The following CD300C variants were observed in gnomAD, a reference collection of about 807,000 sequenced individuals.
The protein encoded by CD300C is CD300c molecule.
CD300C carries 11 observed loss-of-function variants against 18.4 expected under a neutral mutation model. The observed-to-expected ratio is 0.60, with a 90% CI of 0.38 to 0.99. The LOEUF (loss-of-function observed/expected upper bound fraction) is 0.99. Ranked by LOEUF, CD300C falls within the 50% of genes least tolerant of loss-of-function variation. CD300C has a pLI of 0.01. For synonymous variants in CD300C, 116 were observed against 116.3 expected, an observed-to-expected ratio of 1.00 and a Z score of 0.02; for missense variants, 277 against 287.4, an observed-to-expected ratio of 0.96 and a Z score of 0.26.
chr17:74,545,606 C>T (rs989121244), intron 1 of CD300C, 116 bp downstream of exon 1: 1 of 828,378 alleles, frequency 1.2e-6, no homozygotes, highest in Non-Finnish European at 1.9e-6. Flanking sequence ...CTCCTTTGCC[C>T]TCCTCCCCTC....
downstream of CD300C, among the ~76,000 whole-genome samples, chr17:74,537,401 CA>C (rs1245071268): frequency 6.6e-6 from 1 of 152,076 alleles, no homozygotes; most frequent in Non-Finnish European, 1.5e-5. Context: ...CCTGTAATCC[CA>C]GCACTTTCGG....
downstream of CD300C, among the ~76,000 whole-genome samples, chr17:74,536,116 AT>A (rs35828520): frequency 4.6e-5 from 7 of 151,988 alleles, no homozygotes; most frequent in East Asian, 5.8e-4. Context: ...ATATAGGATA[AT>A]TTTTTTTTAA....
chr17:74,543,856 T>A (rs555087919), intron 2 of CD300C, among the ~76,000 whole-genome samples: 235 of 152,290 alleles, frequency 1.5e-3, no homozygotes, highest in African/African-American at 5.3e-3. Flanking sequence ...CAGTCTCAGC[T>A]CATTTCCATC....
rs1345225505 is a variant in CD300C at position 74,541,567 on chromosome 17, G to A, written c.*22C>T. ...CCCAGAGGGGCTCTGTTGCAGCACA[G>A]GGCCTTGATGGACAGCAGATGCTAC... On this transcript the variant is annotated 3_prime_UTR_variant, in exon 4 of 4. Transcript: ENST00000330793. 6.4e-7 allele frequency: 1 copy of A among 1,571,606 alleles called. No individual in the cohort carries two copies. Among genetic ancestry groups the A allele is most frequent in the African/African-American group, 1.4e-5 (1 of 74,064 alleles).
chr17:74,543,209 G>T (rs1908621529), intron 2 of CD300C, among the ~76,000 whole-genome samples: 1 of 152,232 alleles, frequency 6.6e-6, no homozygotes, highest in African/African-American at 2.4e-5. Flanking sequence ...TTTCAGATGT[G>T]AGAGCTGCCC....
At chr17:74,540,230 C>A (rs1025463509), downstream of CD300C, among the ~76,000 whole-genome samples, 1 of 152,170 alleles carries the variant, frequency 6.6e-6, no homozygotes, top group Non-Finnish European at 1.5e-5. Flanking sequence ...CGCTCACCCC[C>A]CTCCTTTCTC....
chr17:74,544,899 C>T lies in CD300C; in HGVS notation c.110G>A (p.Gly37Glu). 3 of 1,613,796 alleles carry T rather than the reference C, an allele frequency of 1.9e-6. No homozygotes were observed. The highest frequency in any genetic ancestry group is 2.5e-6 in the Non-Finnish European group (3 of 1,179,830). The change falls in exon 2 of 4, where the codon GGA (glycine) becomes GAA (glutamate). Residue 37 changes from glycine to glutamate, a missense_variant. By Grantham distance (98) the Gly-to-Glu change is moderately conservative (BLOSUM62 -2). Transcript: ENST00000330793. ...ATAGCGACACTGCACACTCAGGGAT[C>T]CCCCCACGGGGCCCGCCACGGTCAT... ...HPMTVAGPVG[G>E]SLSVQCRYEK...
downstream of CD300C, among the ~76,000 whole-genome samples, chr17:74,537,826 G>T (rs1370228243): frequency 3.3e-5 from 5 of 151,708 alleles, no homozygotes; most frequent in African/African-American, 1.2e-4. Flanking sequence ...GTGCTGTGGT[G>T]CATGCCTGTA....
At chr17:74,544,170 G>A (rs1050844229) in intron 2 of CD300C, among the ~76,000 whole-genome samples, 12 of 152,172 alleles carry the variant, frequency 7.9e-5, no homozygotes, top group African/African-American at 1.7e-4. Context: ...CCAATTCCCC[G>A]TGGGGAAGAG....
chr17:74,535,666 C>T, the CD300C span, among the ~76,000 whole-genome samples: 1 of 152,068 alleles, frequency 6.6e-6, no homozygotes, highest in Non-Finnish European at 1.5e-5. Context: ...AAATTTCATA[C>T]ATTTACATTT....
intron 2 of CD300C, among the ~76,000 whole-genome samples, chr17:74,543,764 T>C (rs1440224538): frequency 6.6e-6 from 1 of 152,066 alleles, no homozygotes; most frequent in African/African-American, 2.4e-5. Context: ...CTGAGGCCAC[T>C]GGGTTTGTGT....
At position 74,544,961 on chromosome 17, in the gene CD300C, G is replaced by A; in HGVS notation, c.62-14C>T. 4.4e-6 allele frequency: 7 copies of A among 1,594,204 alleles called. No individual in the cohort carries two copies. Among genetic ancestry groups the A allele is most frequent in the Non-Finnish European group, 6.0e-6 (7 of 1,168,720 alleles). On this transcript the variant is annotated splice_polypyrimidine_tract_variant and intron_variant, in intron 1 of 3. Transcript: ENST00000330793. Reference sequence around the variant, plus strand: ...GAGGAAAATAGCCTGAAAAATACAAGCCAAAATCCTGTCTCCTTACCAGAG... The same window carrying A: ...GAGGAAAATAGCCTGAAAAATACAAACCAAAATCCTGTCTCCTTACCAGAG...
the CD300C span, among the ~76,000 whole-genome samples, chr17:74,535,469 CAA>C: frequency 0.044 from 3,515 of 80,290 alleles, 34 homozygotes; most frequent in African/African-American, 0.077. Flanking sequence ...AACTCTGTCT[CAA>C]AAAAAAAAAA....
At chr17:74,535,227 G>A in the CD300C span, among the ~76,000 whole-genome samples, 1 of 152,114 alleles carries the variant, frequency 6.6e-6, no homozygotes, top group African/African-American at 2.4e-5. Flanking sequence ...CCAGCACTTT[G>A]GGAGGCTGAG....
At position 74,545,842 on chromosome 17, in the gene CD300C, T is replaced by C. The variant is rs1908743176; in HGVS notation, c.-60A>G. The C allele has an allele frequency of 1.5e-6, 2 of 1,291,048 alleles. No homozygotes were observed. Among genetic ancestry groups the C allele is most frequent in the Admixed American group, 3.7e-5 (2 of 53,478 alleles). 80.0% of individuals were successfully genotyped at this position (1,291,048 alleles called of 1,614,324 possible). On this transcript the variant is annotated 5_prime_UTR_variant, in exon 1 of 4. Transcript: ENST00000330793. ...GACCCCAGGAGGGGACAAAATGTAA[T>C]CTCCTCCCAGCAGATCTGAGCTTCG...
intron 1 of CD300C, 82 bp from the exon 2 acceptor site, chr17:74,545,029 C>T (rs965308561): frequency 7.5e-7 from 1 of 1,329,620 alleles, no homozygotes; most frequent in Admixed American, 2.2e-5. Context: ...CTCATGGACC[C>T]TGGGCGTGTG....
chr17:74,542,729 T>C, intron 3 of CD300C, 132 bp downstream of exon 3: 2 of 1,108,916 alleles, frequency 1.8e-6, no homozygotes, highest in South Asian at 1.6e-5. Flanking sequence ...TGACACTTAA[T>C]AGAACCTTCA....
At chr17:74,542,790 C>T (rs919901878) in intron 3 of CD300C, 71 bp downstream of exon 3, 22 of 1,515,046 alleles carry the variant, frequency 1.5e-5, no homozygotes, top group East Asian at 4.6e-5. Context: ...AAGGGACATC[C>T]GAGTCCCCTA....
rs976916903 is a variant in CD300C at position 74,541,346 on chromosome 17, G to A, written c.*243C>T. 4 of 449,156 alleles carry A rather than the reference G, an allele frequency of 8.9e-6. No individual in the cohort carries two copies. The highest frequency in any genetic ancestry group is 1.7e-5 in the Non-Finnish European group (4 of 241,842). The allele number at this position is 449,156 out of a possible 1,614,324, so 27.8% of individuals were successfully genotyped here. ...CATCCGGGCACTCAGAGGTATTGCT[G>A]ACGGCCCGAGGCTTAGCTGGCCGGG... On this transcript the variant is annotated 3_prime_UTR_variant, in exon 4 of 4. Coordinates refer to ENST00000330793, the MANE Select transcript of CD300C (RefSeq NM_006678.5).
Sources: allele counts gnomAD v4.1 joint callset (sites outside exome capture counted in the v4.1 genomes callset), GRCh38; gene constraint gnomAD v4.1.1; transcripts MANE v1.5; gene names NCBI Gene and HGNC (gene_info 2026-07-23, HGNC 2026-07-21).